The following ZNF618 variants were observed in gnomAD, a reference collection of about 807,000 sequenced individuals.
ZNF618 encodes zinc finger protein 618.
A neutral mutation model predicts 103.0 loss-of-function variants in ZNF618; 34 were observed. The observed-to-expected ratio is 0.33, with a 90% CI of 0.25 to 0.44. The LOEUF (loss-of-function observed/expected upper bound fraction) is 0.44. Among genes scored for constraint, ZNF618 ranks in the 20% least tolerant of loss-of-function variants. The pLI is 1.00. For synonymous variants in ZNF618, 551 were observed against 542.2 expected (o/e 1.02, Z -0.23); for missense variants, 1,059 against 1,295.4 (o/e 0.82, Z 2.80).
Position 113,997,326 on chromosome 9 carries a change from C to G in ZNF618, c.338-933C>G, listed in dbSNP as rs139200322. 2.9e-3 allele frequency among the ~76,000 whole-genome samples: 444 copies of G among 152,196 alleles called. 4 individuals carry two copies. Among genetic ancestry groups the G allele is most frequent in the African/African-American group, 0.01 (430 of 41,514 alleles). On this transcript the variant is annotated intron_variant, in intron 3 of 14. Transcript: ENST00000374126. Reference sequence around the variant, plus strand: ...GTCTTGCTGTGTTGCCCAGGCTGGTCTTGAACTCATGAACTCAAGTGATCT... The same window carrying G: ...GTCTTGCTGTGTTGCCCAGGCTGGTGTTGAACTCATGAACTCAAGTGATCT...
intron 2 of ZNF618, among the ~76,000 whole-genome samples, chr9:113,977,521 G>A (rs1173963142): frequency 6.6e-6 from 1 of 152,122 alleles, no homozygotes. Flanking sequence ...GTCTTTGCAG[G>A]GTGGTGGGTC....
intron 9 of ZNF618, chr9:114,016,049 T>A (rs1842621893): frequency 6.8e-7 from 1 of 1,480,630 alleles, no homozygotes; most frequent in Non-Finnish European, 9.4e-7. Context: ...TACAGATGAT[T>A]GAAATTTCTC....
chr9:114,029,635 A>T (rs181586502), intron 11 of ZNF618, among the ~76,000 whole-genome samples: 4 of 123,646 alleles, frequency 3.2e-5, no homozygotes, highest in Non-Finnish European at 7.0e-5. Context: ...AACTTAATTT[A>T]AAAAAAAAAG....
intron 1 of ZNF618, among the ~76,000 whole-genome samples, chr9:113,949,736 G>A (rs1345921974): frequency 6.6e-6 from 1 of 152,246 alleles, no homozygotes; most frequent in Non-Finnish European, 1.5e-5. Flanking sequence ...CCTGCCCGCC[G>A]ATGTGTAAGT....
chr9:113,974,721 C>A (rs769461307), intron 2 of ZNF618, among the ~76,000 whole-genome samples: 1 of 152,038 alleles, frequency 6.6e-6, no homozygotes, highest in Non-Finnish European at 1.5e-5. Flanking sequence ...TCCTGTGGTC[C>A]CCATTCTCCA....
intron 1 of ZNF618, among the ~76,000 whole-genome samples, chr9:113,948,833 G>T (rs1008806737): frequency 1.3e-5 from 2 of 152,196 alleles, no homozygotes; most frequent in Non-Finnish European, 2.9e-5. Flanking sequence ...CCACCCCACA[G>T]ATGAGATGTA....
chr9:114,040,332 T>G (rs1189693566), intron 13 of ZNF618, among the ~76,000 whole-genome samples: 2 of 142,632 alleles, frequency 1.4e-5, no homozygotes. Context: ...CTACTTGTTT[T>G]CTTTCTTTTT....
chr9:113,965,109 G>A (rs1490473646), intron 1 of ZNF618, among the ~76,000 whole-genome samples: 2 of 150,596 alleles, frequency 1.3e-5, no homozygotes, highest in Non-Finnish European at 2.9e-5. Flanking sequence ...ATTCCTGCTC[G>A]GCTTTTCAAT....
At chr9:113,890,772 T>G (rs1268224114) in intron 1 of ZNF618, among the ~76,000 whole-genome samples, 2 of 152,228 alleles carry the variant, frequency 1.3e-5, no homozygotes. Flanking sequence ...CATCACCTTG[T>G]GCTTATATTT....
chr9:113,906,079 T>C lies in ZNF618; in HGVS notation c.33+29666T>C, dbSNP rs1385721738. ...CTGGTCCTTCTTACTCCGTCATGAC[T>C]AGAAGCCACCAGTGCTTCTTGTATC... On this transcript the variant is annotated intron_variant, in intron 1 of 14. Coordinates refer to ENST00000374126, the MANE Select transcript of ZNF618 (RefSeq NM_001318042.2). 5.3e-5 allele frequency among the ~76,000 whole-genome samples: 8 copies of C among 152,314 alleles called. No individual in the cohort carries two copies. The East Asian group carries it at 1.4e-3, about 26-fold the overall frequency.
intron 9 of ZNF618, among the ~76,000 whole-genome samples, chr9:114,009,108 T>C (rs1342134641): frequency 6.6e-6 from 1 of 152,164 alleles, no homozygotes; most frequent in African/African-American, 2.4e-5. Context: ...TAAACTTGTA[T>C]TGAGTGTTGT....
rs1846148122 is a variant in ZNF618 at position 114,051,732 on chromosome 9, G to A, written c.*1565G>A. 1 of 152,442 alleles carries A rather than the reference G, an allele frequency of 6.6e-6. No homozygotes were observed. The highest frequency in any genetic ancestry group is 2.4e-5 in the African/African-American group (1 of 41,456). The allele number at this position is 152,442 out of a possible 1,614,324, so 9.4% of individuals were successfully genotyped here. ...GGTGTTTGGCCATGTTCGACTCGAT[G>A]CTGTGAAAGATGTCTTCAGGCTTTT... is the stretch of plus-strand genomic sequence containing the variant. On this transcript the variant is annotated 3_prime_UTR_variant, in exon 15 of 15. Coordinates refer to ENST00000374126, the MANE Select transcript of ZNF618 (RefSeq NM_001318042.2).
chr9:114,035,114 A>G, intron 12 of ZNF618: 1 of 958,284 alleles, frequency 1.0e-6, no homozygotes, highest in Non-Finnish European at 1.2e-6. Context: ...CTCACTGGTT[A>G]TTAAGAATAA....
intron 1 of ZNF618, among the ~76,000 whole-genome samples, chr9:113,962,386 C>T (rs2132602289): frequency 6.6e-6 from 1 of 152,316 alleles, no homozygotes; most frequent in East Asian, 1.9e-4. Flanking sequence ...TCCCCCCTGG[C>T]CTCATGGTCT....
chr9:113,998,199 C>T, intron 3 of ZNF618, 60 bp from the exon 4 acceptor site: 1 of 1,501,094 alleles, frequency 6.7e-7, no homozygotes, highest in Non-Finnish European at 9.1e-7. Context: ...TCGCCCCTTC[C>T]CTAACCTTCC....
chr9:114,019,216 T>G (rs1306561871), intron 10 of ZNF618, among the ~76,000 whole-genome samples: 1 of 152,254 alleles, frequency 6.6e-6, no homozygotes, highest in Non-Finnish European at 1.5e-5. Context: ...CAATGTTCTA[T>G]TGTATGAAAA....
chr9:113,989,262 C>T (rs1467472678), intron 3 of ZNF618, among the ~76,000 whole-genome samples: 5 of 151,782 alleles, frequency 3.3e-5, no homozygotes, highest in East Asian at 1.9e-4. Flanking sequence ...AGGCACGCCG[C>T]GTGTGTGGAG....
At chr9:113,890,439 A>C (rs1447005690) in intron 1 of ZNF618, among the ~76,000 whole-genome samples, 1 of 152,190 alleles carries the variant, frequency 6.6e-6, no homozygotes, top group East Asian at 1.9e-4. Context: ...CATCATCAGC[A>C]AATGTAGATA....
rs368614582 is a variant in ZNF618, at chr9:113,918,173, C to T, written c.33+41760C>T. The stretch of plus-strand genomic sequence containing the variant: ...GATTTGTGAGACATTTGTAGGATGA[C>T]GGAGGGTATGCATTTCCGGCAAGAA... On this transcript the variant is annotated intron_variant, in intron 1 of 14. Transcript: ENST00000374126. Among the ~76,000 whole-genome samples the T allele has an allele frequency of 3.9e-5, 6 of 152,214 alleles. No homozygotes were observed. In the East Asian group the frequency reaches 9.6e-4, roughly 24 times the overall value.
Sources: gnomAD v4.1 joint callset for allele counts (sites outside exome capture counted in the v4.1 genomes callset) on GRCh38, gnomAD v4.1.1 for gene constraint, MANE v1.5 for transcripts, NCBI Gene and HGNC (gene_info 2026-07-23, HGNC 2026-07-21) for gene names.